The following PTPRD variants were observed in gnomAD, a reference collection of about 807,000 sequenced individuals.
PTPRD encodes receptor-type tyrosine-protein phosphatase delta.
In PTPRD, 34 loss-of-function variants were observed where a neutral mutation model predicts 214.5. The ratio of observed to expected loss-of-function variants is 0.16; its 90% confidence interval spans 0.12 to 0.21. The LOEUF (loss-of-function observed/expected upper bound fraction) is 0.21, where lower values mean the gene tolerates loss of function less well. PTPRD is among the 10% of genes least tolerant of loss of function. The pLI, the probability that PTPRD is intolerant of heterozygous loss-of-function variation, is 1.00. For synonymous variants in PTPRD, 1,128 were observed against 845.7 expected, an observed-to-expected ratio of 1.33 and a Z score of -5.79; for missense variants, 2,545 against 2,398.7, an observed-to-expected ratio of 1.06 and a Z score of -1.27.
At position 8,462,955 on chromosome 9, in the gene PTPRD, T is replaced by A. The variant is rs558696839; in HGVS notation, c.3715-2384A>T. ...AGCTAGCAATGAACCTTGTACTTAG[T>A]GGGTTCTCAGCAAATCTTGGCTGAA... On this transcript the variant is annotated intron_variant, in intron 32 of 45. Transcript: ENST00000381196. Among the ~76,000 whole-genome samples, 53 of 152,006 alleles carry A rather than the reference T, an allele frequency of 3.5e-4. No homozygotes were observed. In the South Asian group the frequency reaches 0.011, roughly 30 times the overall value.
chr9:10,352,834 T>C (rs1487480938), intron 2 of PTPRD, among the ~76,000 whole-genome samples: 3 of 152,052 alleles, frequency 2.0e-5, no homozygotes, highest in African/African-American at 4.8e-5. Context: ...TGCAGGATTT[T>C]ATCTAGAGAA....
chr9:9,372,204 A>G (rs189868622), intron 9 of PTPRD, among the ~76,000 whole-genome samples: 5,451 of 152,114 alleles, frequency 0.036, 305 homozygotes, highest in African/African-American at 0.12. Context: ...TCTAATGTTG[A>G]CAGTGGGGTG....
intron 14 of PTPRD, among the ~76,000 whole-genome samples, chr9:8,626,204 C>A (rs896330596): frequency 6.6e-6 from 1 of 151,872 alleles, no homozygotes; most frequent in South Asian, 2.1e-4. Context: ...TCAATGAAAG[C>A]CAACCAACTA....
chr9:8,681,362 G>A (rs973254003), intron 12 of PTPRD, among the ~76,000 whole-genome samples: 25 of 151,956 alleles, frequency 1.6e-4, no homozygotes, highest in African/African-American at 5.3e-4. Flanking sequence ...GAAAAAAAAA[G>A]AAAGAAAAAG....
rs762092816 is a variant in PTPRD at position 8,376,107 on chromosome 9, T to G, written c.4507-17A>C. The G allele has an allele frequency of 1.2e-6, 2 of 1,611,048 alleles. No individual in the cohort carries two copies. The highest frequency in any genetic ancestry group is 2.2e-5 in the South Asian group (2 of 90,730). ...TGAACCATTCTGTGAAATAGGAATA[T>G]CAGCTGAAATTCTGTTTTCCAAGCC... On this transcript the variant is annotated splice_polypyrimidine_tract_variant and intron_variant, in intron 38 of 45. Coordinates refer to ENST00000381196, the MANE Select transcript of PTPRD (RefSeq NM_002839.4).
chr9:8,937,258 C>T (rs188631279), intron 11 of PTPRD, among the ~76,000 whole-genome samples: 19 of 152,178 alleles, frequency 1.2e-4, no homozygotes, highest in African/African-American at 3.6e-4. Context: ...ATAAGACAGT[C>T]AGGAATCAAA....
intron 10 of PTPRD, among the ~76,000 whole-genome samples, chr9:9,167,313 C>T (rs1381777597): frequency 6.7e-6 from 1 of 149,032 alleles, no homozygotes; most frequent in Non-Finnish European, 1.5e-5. Context: ...TATTGCTTCT[C>T]ATGCTATATG....
At chr9:9,423,792 G>T (rs2079757344) in intron 8 of PTPRD, among the ~76,000 whole-genome samples, 2 of 152,116 alleles carry the variant, frequency 1.3e-5, no homozygotes, top group African/African-American at 4.8e-5. Flanking sequence ...AGAGGGAATT[G>T]GTGATTTGAA....
At chr9:9,622,425 G>A (rs1014102662) in intron 7 of PTPRD, among the ~76,000 whole-genome samples, 3 of 152,036 alleles carry the variant, frequency 2.0e-5, no homozygotes, top group Non-Finnish European at 2.9e-5. Context: ...GGAGATGAAA[G>A]TTTCTTTTTC....
chr9:9,835,342 A>G (rs550699525), intron 5 of PTPRD, among the ~76,000 whole-genome samples: 25 of 152,196 alleles, frequency 1.6e-4, no homozygotes, highest in African/African-American at 6.0e-4. Flanking sequence ...AGTTATATAG[A>G]TATGATCCAT....
chr9:10,575,241 A>G (rs1317444607), intron 2 of PTPRD, among the ~76,000 whole-genome samples: 1 of 152,100 alleles, frequency 6.6e-6, no homozygotes, highest in Non-Finnish European at 1.5e-5. Flanking sequence ...GATGATCAAG[A>G]TCAATTTCCC....
chr9:8,342,084 T>C, intron 39 of PTPRD, 106 bp from the exon 40 acceptor site: 3 of 1,175,630 alleles, frequency 2.6e-6, no homozygotes, highest in South Asian at 3.7e-5. Context: ...CATCCATTAC[T>C]TCTACTCAAA....
intron 7 of PTPRD, among the ~76,000 whole-genome samples, chr9:9,680,771 G>T (rs948851041): frequency 1.3e-5 from 2 of 148,342 alleles, no homozygotes; most frequent in Non-Finnish European, 3.0e-5. Flanking sequence ...AGGAAGAGGA[G>T]AAAAGAAAAA....
chr9:10,273,420 T>G (rs1051210871), intron 3 of PTPRD, among the ~76,000 whole-genome samples: 2 of 152,104 alleles, frequency 1.3e-5, no homozygotes, highest in African/African-American at 4.8e-5. Flanking sequence ...TCTTTTTCAG[T>G]GGCCAACTAC....
intron 27 of PTPRD, among the ~76,000 whole-genome samples, chr9:8,488,374 A>C (rs1049231945): frequency 2.0e-5 from 3 of 152,236 alleles, no homozygotes; most frequent in Non-Finnish European, 1.5e-5. Flanking sequence ...TGAAAACAAT[A>C]GTTTCTAAAG....
intron 2 of PTPRD, among the ~76,000 whole-genome samples, chr9:10,412,627 C>A (rs1025005730): frequency 4.4e-4 from 19 of 42,786 alleles, no homozygotes; most frequent in African/African-American, 2.0e-3. Context: ...CGCACACACA[C>A]ACACAAACAC....
rs533452015 is a variant in PTPRD, at chr9:10,112,520, T to G, written c.-544-78730A>C. Among the ~76,000 whole-genome samples, 3 of 152,226 alleles carry G rather than the reference T, an allele frequency of 2.0e-5. No individual in the cohort carries two copies. In the East Asian group the frequency reaches 5.8e-4, roughly 29 times the overall value. On this transcript the variant is annotated intron_variant, in intron 3 of 45. Transcript: ENST00000381196. ...TCACTGCTTTCTATGAATATCAAAT[T>G]TGTAATGAAGGAGGTGCAGACATGC...
chr9:8,416,199 A>C (rs1297645224), intron 35 of PTPRD, among the ~76,000 whole-genome samples: 3 of 152,200 alleles, frequency 2.0e-5, no homozygotes, highest in African/African-American at 7.2e-5. Context: ...ATTGTTATGC[A>C]TCTAGTGACG....
intron 21 of PTPRD, among the ~76,000 whole-genome samples, chr9:8,508,506 G>A (rs557579556): frequency 6.6e-6 from 1 of 152,096 alleles, no homozygotes; most frequent in Non-Finnish European, 1.5e-5. Context: ...ATTATGGCAT[G>A]TCTCAATGTG....
Sources: allele counts gnomAD v4.1 joint callset (sites outside exome capture counted in the v4.1 genomes callset), GRCh38; gene constraint gnomAD v4.1.1; transcripts MANE v1.5; gene names NCBI Gene and HGNC (gene_info 2026-07-23, HGNC 2026-07-21).